AFF3: variants seen among roughly 807,000 people sequenced by gnomAD.
The protein encoded by AFF3 is ALF transcription elongation factor 3.
AFF3 carries 32 observed loss-of-function variants against 129.7 expected under a neutral mutation model. That is an observed-to-expected ratio of 0.25 (90% CI 0.19 to 0.33). The LOEUF is 0.33. AFF3 is among the 10% of genes least tolerant of loss of function. AFF3 has a pLI of 1.00. For missense variants in AFF3, 1,373 were observed against 1,592.0 expected (o/e 0.86, Z 2.34); for synonymous variants, 644 against 635.4 (o/e 1.01, Z -0.20).
intron 19 of AFF3, among the ~76,000 whole-genome samples, chr2:99,567,025 T>C (rs1172710118): frequency 6.6e-6 from 1 of 151,396 alleles, no homozygotes; most frequent in African/African-American, 2.4e-5. Flanking sequence ...TGGAGTGCAG[T>C]GGCATGATCT....
chr2:99,578,562 G>T, intron 17 of AFF3, 111 bp from the exon 18 acceptor site: 8 of 1,486,576 alleles, frequency 5.4e-6, no homozygotes, highest in Non-Finnish European at 7.2e-6. Flanking sequence ...ACATCTTTGT[G>T]TGCTGTATTA....
intron 8 of AFF3, among the ~76,000 whole-genome samples, chr2:99,800,992 T>C (rs1685898488): frequency 6.6e-6 from 1 of 152,136 alleles, no homozygotes; most frequent in Non-Finnish European, 1.5e-5. Flanking sequence ...CAATGATGGA[T>C]ACATTCATTA....
intron 4 of AFF3, among the ~76,000 whole-genome samples, chr2:100,009,833 C>G (rs1447564233): frequency 1.3e-5 from 2 of 152,172 alleles, no homozygotes; most frequent in African/African-American, 2.4e-5. Context: ...ATAAAGAAAT[C>G]TGGCCTCCGT....
intron 7 of AFF3, among the ~76,000 whole-genome samples, chr2:99,954,239 A>G (rs933226431): frequency 4.6e-5 from 7 of 152,198 alleles, no homozygotes; most frequent in Non-Finnish European, 1.0e-4. Context: ...AACCCACTTA[A>G]TTAACAATTT....
At chr2:99,921,194 G>A (rs374689848) in intron 7 of AFF3, among the ~76,000 whole-genome samples, 4 of 152,236 alleles carry the variant, frequency 2.6e-5, no homozygotes, top group African/African-American at 7.2e-5. Flanking sequence ...GAAACAATGA[G>A]AATGCCAACT....
intron 7 of AFF3, among the ~76,000 whole-genome samples, chr2:99,915,801 G>A (rs1183374359): frequency 1.3e-5 from 2 of 152,014 alleles, no homozygotes; most frequent in Admixed American, 1.3e-4. Context: ...TGTACTTTTT[G>A]GGATTTAAAT....
chr2:99,672,191 C>CACACACAT (rs1687215891), intron 12 of AFF3, among the ~76,000 whole-genome samples: 2 of 29,852 alleles, frequency 6.7e-5, no homozygotes, highest in Non-Finnish European at 1.1e-4. Context: ...CACACACACA[C>CACACACAT]ACACACACAC....
At chr2:99,806,482 T>A in intron 8 of AFF3, among the ~76,000 whole-genome samples, 1 of 152,164 alleles carries the variant, frequency 6.6e-6, no homozygotes, top group East Asian at 1.9e-4. Context: ...TGAGGACCCC[T>A]GAACAAATTC....
At chr2:99,608,554 A>G (rs1575494517) in intron 13 of AFF3, among the ~76,000 whole-genome samples, 1 of 152,330 alleles carries the variant, frequency 6.6e-6, no homozygotes, top group African/African-American at 2.4e-5. Flanking sequence ...CGCAAGTAGC[A>G]TCCATGAGTG....
At position 99,804,412 on chromosome 2, in the gene AFF3, A is replaced by C. The variant is rs188411032; in HGVS notation, c.921+33065T>G. ...ACCAACTTACCACAGCCAGAATGGCAGTTATTAAAAAGTCAAAAAACAATT... is the reference window on the plus strand; with the variant it reads ...ACCAACTTACCACAGCCAGAATGGCCGTTATTAAAAAGTCAAAAAACAATT... On this transcript the variant is annotated intron_variant, in intron 8 of 24. Coordinates refer to ENST00000672756, the MANE Select transcript of AFF3 (RefSeq NM_001386135.1). Among the ~76,000 whole-genome samples, 44 of 152,310 alleles carry C rather than the reference A, an allele frequency of 2.9e-4. 1 individual carries two copies. Among genetic ancestry groups the C allele is most frequent in the South Asian group, 1.7e-3 (8 of 4,828 alleles).
At chr2:99,838,635 T>G (rs187744448) in intron 7 of AFF3, among the ~76,000 whole-genome samples, 29 of 152,182 alleles carry the variant, frequency 1.9e-4, no homozygotes, top group African/African-American at 6.3e-4. Flanking sequence ...CAGCAATATC[T>G]CCTCCCTCTA....
chr2:99,844,072 A>T (rs1343505943), intron 7 of AFF3, among the ~76,000 whole-genome samples: 2 of 152,164 alleles, frequency 1.3e-5, no homozygotes, highest in Non-Finnish European at 2.9e-5. Context: ...AACAAAAAAA[A>T]GGAAAATAAA....
At chr2:99,842,777 A>C (rs977776379) in intron 7 of AFF3, among the ~76,000 whole-genome samples, 2 of 152,192 alleles carry the variant, frequency 1.3e-5, no homozygotes, top group Admixed American at 6.5e-5. Context: ...CTGATGGTGG[A>C]AGTCCCTAAT....
At chr2:99,716,410 T>G (rs1177972335) in intron 11 of AFF3, among the ~76,000 whole-genome samples, 2 of 152,112 alleles carry the variant, frequency 1.3e-5, no homozygotes, top group Non-Finnish European at 2.9e-5. Flanking sequence ...CACTTTAAGT[T>G]AATAAACACA....
chr2:99,694,673 A>G (rs1369185704), intron 11 of AFF3, among the ~76,000 whole-genome samples: 4 of 151,912 alleles, frequency 2.6e-5, no homozygotes, highest in African/African-American at 9.7e-5. Flanking sequence ...AAAAGCCAAC[A>G]AAAACAAAAA....
At chr2:99,639,016 G>A (rs1683938270) in intron 13 of AFF3, among the ~76,000 whole-genome samples, 2 of 152,128 alleles carry the variant, frequency 1.3e-5, no homozygotes, top group African/African-American at 2.4e-5. Context: ...AGGAGCCTTG[G>A]GCTGTGGCCT....
intron 14 of AFF3, among the ~76,000 whole-genome samples, chr2:99,601,197 T>G (rs562897897): frequency 6.6e-6 from 1 of 152,212 alleles, no homozygotes; most frequent in East Asian, 1.9e-4. Flanking sequence ...CAAGAGAGAA[T>G]CTGGGGGCAA....
intron 12 of AFF3, among the ~76,000 whole-genome samples, chr2:99,656,491 GCA>G (rs541822573): frequency 2.0e-5 from 3 of 152,206 alleles, no homozygotes; most frequent in African/African-American, 2.4e-5. Flanking sequence ...TGTTACTGAA[GCA>G]CACTGTAAAA....
chr2:99,990,815 G>T (rs530056873), intron 7 of AFF3, among the ~76,000 whole-genome samples: 1 of 152,268 alleles, frequency 6.6e-6, no homozygotes, highest in Admixed American at 6.5e-5. Flanking sequence ...TACGGAAAAA[G>T]AATCCAAGAC....
Sources: allele counts gnomAD v4.1 joint callset (sites outside exome capture counted in the v4.1 genomes callset), GRCh38; gene constraint gnomAD v4.1.1; transcripts MANE v1.5; gene names NCBI Gene and HGNC (gene_info 2026-07-23, HGNC 2026-07-21).